PIK3CB: variants seen among roughly 807,000 people sequenced by gnomAD.
PIK3CB encodes the protein phosphatidylinositol-4,5-bisphosphate 3-kinase catalytic subunit beta.
A neutral mutation model predicts 136.8 loss-of-function variants in PIK3CB; 39 were observed. The ratio of observed to expected loss-of-function variants is 0.29; its 90% CI spans 0.22 to 0.37. The LOEUF is 0.37. PIK3CB is among the 10% of genes least tolerant of loss of function. The probability of loss-of-function intolerance (pLI) is 1.00; values close to 1 mark genes in which losing one functional copy is unlikely to be tolerated. For synonymous variants in PIK3CB, 428 were observed against 436.6 expected (o/e 0.98, Z 0.25); for missense variants, 868 against 1,275.4 (o/e 0.68, Z 4.87).
chr3:138,725,832 T>A (rs1323858893), intron 8 of PIK3CB, among the ~76,000 whole-genome samples: 1 of 152,248 alleles, frequency 6.6e-6, no homozygotes, highest in Admixed American at 6.5e-5. Context: ...ATCTCGTCAC[T>A]GACGTCTATT....
chr3:138,811,028 A>G (rs1028511302), intron 1 of PIK3CB, among the ~76,000 whole-genome samples: 34 of 151,902 alleles, frequency 2.2e-4, no homozygotes, highest in Admixed American at 3.9e-4. Context: ...GGCGTTTGAC[A>G]CCAGCCTGGT....
At chr3:138,761,262 T>C (rs1384631130) in intron 2 of PIK3CB, among the ~76,000 whole-genome samples, 3 of 152,250 alleles carry the variant, frequency 2.0e-5, no homozygotes, top group Non-Finnish European at 4.4e-5. Context: ...ATCTATGTGC[T>C]AGTTTACAGG....
At chr3:138,790,570 C>T (rs573156687) in intron 2 of PIK3CB, among the ~76,000 whole-genome samples, 90 of 149,310 alleles carry the variant, frequency 6.0e-4, no homozygotes, top group Non-Finnish European at 1.1e-3. Context: ...TTTGGGAGGC[C>T]GAAGCGGGCA....
At position 138,742,635 on chromosome 3, in the gene PIK3CB, G is replaced by A. The variant is rs1293087086; in HGVS notation, c.544C>T (p.Pro182Ser). The A allele has an allele frequency of 6.2e-7, 1 of 1,609,668 alleles. No homozygotes were observed. Reference sequence around the variant, plus strand: ...TCTTCTAAGTTTTCAGGGATGGATGGTTCATGCTCTGGTGGATATGTTTGT... The same window carrying A: ...TCTTCTAAGTTTTCAGGGATGGATGATTCATGCTCTGGTGGATATGTTTGT... Reference protein sequence around the residue: ...LKQTYPPEHEPSIPENLEDKL... With the variant: ...LKQTYPPEHESSIPENLEDKL... The change falls in exon 5 of 24, where the codon CCA becomes TCA. Residue 182 changes from proline (P) to serine (S), a missense_variant. Around this residue, in one of 4 missense-constraint regions of PIK3CB, gnomAD observed 612 missense variants for 801.1 expected, o/e 0.76. Coordinates refer to ENST00000674063, the MANE Select transcript of PIK3CB (RefSeq NM_006219.3).
At chr3:138,831,342 C>T (rs1934030560) in intron 1 of PIK3CB, among the ~76,000 whole-genome samples, 1 of 151,904 alleles carries the variant, frequency 6.6e-6, no homozygotes, top group African/African-American at 2.4e-5. Flanking sequence ...CCTGTAATCC[C>T]AGCACTTTGG....
intron 1 of PIK3CB, chr3:138,825,468 C>A: frequency 1.4e-6 from 1 of 701,506 alleles, no homozygotes; most frequent in South Asian, 1.6e-5. Flanking sequence ...AGGAAGTCAG[C>A]ACTTACATTA....
chr3:138,822,833 C>T (rs930909916), intron 1 of PIK3CB, among the ~76,000 whole-genome samples: 4 of 140,892 alleles, frequency 2.8e-5, no homozygotes, highest in Non-Finnish European at 6.1e-5. Flanking sequence ...AATATATATA[C>T]AAAATATATA....
chr3:138,669,764 T>C (rs921822431), intron 19 of PIK3CB, among the ~76,000 whole-genome samples: 6 of 152,204 alleles, frequency 3.9e-5, no homozygotes, highest in Non-Finnish European at 5.9e-5. Flanking sequence ...AACATGGCAC[T>C]GTTACAAGTA....
intron 19 of PIK3CB, among the ~76,000 whole-genome samples, chr3:138,678,217 G>C (rs1011214893): frequency 1.3e-5 from 2 of 152,176 alleles, no homozygotes; most frequent in African/African-American, 4.8e-5. Flanking sequence ...GTACCCAGGA[G>C]TTTGTGACTG....
At chr3:138,719,901 CA>C (rs35361825) in intron 8 of PIK3CB, among the ~76,000 whole-genome samples, 30 of 145,180 alleles carry the variant, frequency 2.1e-4, no homozygotes, top group African/African-American at 4.1e-4. Flanking sequence ...CAAACACTGA[CA>C]AAAAAAAAGG....
chr3:138,713,596 G>A (rs753487261), intron 9 of PIK3CB, among the ~76,000 whole-genome samples: 7 of 152,130 alleles, frequency 4.6e-5, no homozygotes, highest in East Asian at 1.9e-4. Context: ...GCTTGATCCC[G>A]GGAGGCGGAA....
At chr3:138,733,780 A>C (rs1009343514) in intron 7 of PIK3CB, among the ~76,000 whole-genome samples, 1 of 152,142 alleles carries the variant, frequency 6.6e-6, no homozygotes, top group African/African-American at 2.4e-5. Flanking sequence ...TGGGAGGCTG[A>C]GGCAGGAGAA....
At chr3:138,734,387 T>C (rs1576368977) in intron 7 of PIK3CB, among the ~76,000 whole-genome samples, 1 of 152,244 alleles carries the variant, frequency 6.6e-6, no homozygotes, top group East Asian at 1.9e-4. Flanking sequence ...TCTAATTTGA[T>C]GGCATTTTTC....
chr3:138,787,720 CT>C (rs879420169), intron 2 of PIK3CB, among the ~76,000 whole-genome samples: 5,939 of 132,760 alleles, frequency 0.045, 339 homozygotes, highest in African/African-American at 0.14. Context: ...CAAATGTATT[CT>C]TTTTTTTTTT....
At chr3:138,659,305 G>C (rs1240564547) in intron 21 of PIK3CB, among the ~76,000 whole-genome samples, 1 of 152,158 alleles carries the variant, frequency 6.6e-6, no homozygotes, top group Non-Finnish European at 1.5e-5. Flanking sequence ...AAGATGCAGA[G>C]GAGTGACAAG....
intron 3 of PIK3CB, among the ~76,000 whole-genome samples, chr3:138,757,576 T>G (rs1277183792): frequency 1.3e-5 from 1 of 76,408 alleles, no homozygotes; most frequent in Admixed American, 1.6e-4. Context: ...AGGAAAGAAA[T>G]AATGTAAGAA....
intron 4 of PIK3CB, among the ~76,000 whole-genome samples, chr3:138,751,113 T>G (rs909795013): frequency 9.2e-5 from 14 of 152,208 alleles, no homozygotes; most frequent in Non-Finnish European, 4.4e-5. Context: ...ATATTCATTT[T>G]AAGAAACTGA....
At chr3:138,689,267 G>A (rs2043958358) in intron 15 of PIK3CB, among the ~76,000 whole-genome samples, 1 of 152,182 alleles carries the variant, frequency 6.6e-6, no homozygotes, top group African/African-American at 2.4e-5. Context: ...TAGCCAACAG[G>A]ATGCAAGATG....
At chr3:138,801,395 T>TA (rs1440634275) in intron 1 of PIK3CB, among the ~76,000 whole-genome samples, 5 of 152,136 alleles carry the variant, frequency 3.3e-5, no homozygotes, top group African/African-American at 1.2e-4. Flanking sequence ...ATTACCTATA[T>TA]TCAAAGTTGT....
Sources: gnomAD v4.1 joint callset for allele counts (sites outside exome capture counted in the v4.1 genomes callset) on GRCh38, gnomAD v4.1.1 for gene constraint, gnomAD v4.1.1 regional missense constraint, MANE v1.5 for transcripts, NCBI Gene and HGNC (gene_info 2026-07-23, HGNC 2026-07-21) for gene names.